The following SCN8A variants were observed in gnomAD, a reference collection of about 807,000 sequenced individuals.
SCN8A encodes sodium voltage-gated channel alpha subunit 8.
SCN8A carries 30 observed loss-of-function variants against 184.1 expected under a neutral mutation model. The ratio of observed to expected loss-of-function variants is 0.16; its 90% CI spans 0.12 to 0.22. SCN8A has a LOEUF of 0.22. SCN8A is among the 10% of genes least tolerant of loss of function. SCN8A has a pLI of 1.00. For missense variants in SCN8A, 1,057 were observed against 2,498.9 expected, an observed-to-expected ratio of 0.42 and a Z score of 12.30; for synonymous variants, 852 against 907.0, an observed-to-expected ratio of 0.94 and a Z score of 1.09.
In SCN8A at chr12:51,705,408, T is replaced by C; in HGVS notation, c.1135-9T>C. 6.2e-7 allele frequency: 1 copy of C among 1,613,636 alleles called. No homozygotes were observed. Among genetic ancestry groups the C allele is most frequent in the Non-Finnish European group, 8.5e-7 (1 of 1,179,622 alleles). On this transcript the variant is annotated splice_polypyrimidine_tract_variant and intron_variant, in intron 9 of 26. Transcript: ENST00000627620. ...CAAGTGACTCAGAAAATGGCCTTTG[T>C]CTTTGCAGACTTTACGAGCAGCCGG...
intron 20 of SCN8A, among the ~76,000 whole-genome samples, chr12:51,776,122 T>G (rs1011779625): frequency 2.6e-5 from 4 of 152,152 alleles, no homozygotes; most frequent in Non-Finnish European, 5.9e-5. Flanking sequence ...CCCGAGTAGC[T>G]GGGGCTGCAG....
rs1592379181 is a variant in SCN8A, at chr12:51,686,514, T to C, written c.485+57T>C. 5.6e-6 allele frequency: 7 copies of C among 1,248,182 alleles called. No individual in the cohort carries two copies. The East Asian group carries it at 1.7e-4, about 30-fold the overall frequency. The allele number at this position is 1,248,182 out of a possible 1,614,324, so 77.3% of individuals were successfully genotyped here. A position where few individuals can be genotyped will look rare whatever the true frequency, so the allele number is the denominator to read the frequency against. ...GTTTTAAATATTTTTAGTCACTAAA[T>C]CTTGCTTTGCCACAGTTTACCCATC... On this transcript the variant is annotated intron_variant, in intron 4 of 26. Transcript: ENST00000627620.
At chr12:51,761,451 T>G (rs1942760692) in intron 14 of SCN8A, among the ~76,000 whole-genome samples, 1 of 149,740 alleles carries the variant, frequency 6.7e-6, no homozygotes, top group Admixed American at 6.6e-5. Context: ...CACTATTTAT[T>G]TATTTATTTA....
At chr12:51,783,167 C>T (rs918170543) in intron 21 of SCN8A, among the ~76,000 whole-genome samples, 2 of 152,170 alleles carry the variant, frequency 1.3e-5, no homozygotes, top group African/African-American at 4.8e-5. Context: ...CCATTCCTGC[C>T]CTGTGGGTTT....
At chr12:51,617,366 G>A (rs903903470) in intron 1 of SCN8A, among the ~76,000 whole-genome samples, 6 of 151,748 alleles carry the variant, frequency 4.0e-5, no homozygotes, top group African/African-American at 1.5e-4. Flanking sequence ...CAACTATTCT[G>A]TCATCTCTAT....
At chr12:51,759,886 T>G (rs1942736490) in intron 14 of SCN8A, among the ~76,000 whole-genome samples, 1 of 152,208 alleles carries the variant, frequency 6.6e-6, no homozygotes. Context: ...GGTGAAGACC[T>G]TTGTGCTACA....
At chr12:51,676,081 G>A (rs1373198928) in intron 2 of SCN8A, among the ~76,000 whole-genome samples, 4 of 152,138 alleles carry the variant, frequency 2.6e-5, no homozygotes, top group African/African-American at 4.8e-5. Context: ...TAATAGAGGC[G>A]TGGAAAATGA....
chr12:51,679,024 C>T (rs959792231), intron 2 of SCN8A, among the ~76,000 whole-genome samples: 29 of 151,332 alleles, frequency 1.9e-4, no homozygotes, highest in Admixed American at 4.6e-4. Flanking sequence ...TGCAGTGAGC[C>T]GAGATCACAC....
intron 16 of SCN8A, chr12:51,768,261 T>C (rs1942867560): frequency 6.6e-6 from 1 of 152,250 alleles, no homozygotes. Flanking sequence ...AGCTTGTATC[T>C]GATGGCTTGA....
chr12:51,751,294 G>T, intron 13 of SCN8A, 61 bp from the exon 14 acceptor site: 2 of 1,077,754 alleles, frequency 1.9e-6, no homozygotes, highest in South Asian at 1.4e-5. Context: ...AGAGTGAGTA[G>T]TGTGTCCCCC....
Position 51,632,408 on chromosome 12 carries a change from G to C in SCN8A, c.-54-30356G>C, listed in dbSNP as rs533045363. 3.9e-5 allele frequency among the ~76,000 whole-genome samples: 6 copies of C among 152,160 alleles called. No homozygotes were observed. In the South Asian group the frequency reaches 1.0e-3, roughly 26 times the overall value. ...TGTAAGGCATTGCTGGTTTCTTTGG[G>C]GCCTCCCTAGTTCTCCTTTGAGTTC... On this transcript the variant is annotated intron_variant, in intron 1 of 26. Coordinates refer to ENST00000627620, the MANE Select transcript of SCN8A (RefSeq NM_001330260.2).
At chr12:51,620,930 TG>T (rs1487521109) in intron 1 of SCN8A, among the ~76,000 whole-genome samples, 3 of 152,086 alleles carry the variant, frequency 2.0e-5, no homozygotes, top group African/African-American at 7.2e-5. Context: ...GAGGCTGTAG[TG>T]AGCCATGGTT....
chr12:51,728,754 T>G (rs992675930), intron 12 of SCN8A, among the ~76,000 whole-genome samples: 1 of 147,374 alleles, frequency 6.8e-6, no homozygotes, highest in African/African-American at 2.6e-5. Context: ...AAAAAAAAAA[T>G]TCCCAAATGG....
At chr12:51,602,594 G>A (rs984341004) in intron 1 of SCN8A, among the ~76,000 whole-genome samples, 2 of 152,146 alleles carry the variant, frequency 1.3e-5, no homozygotes, top group Non-Finnish European at 2.9e-5. Flanking sequence ...AAACGGTTAA[G>A]ATGGTAAATT....
At chr12:51,715,520 G>A (rs1941949928) in intron 11 of SCN8A, among the ~76,000 whole-genome samples, 1 of 151,804 alleles carries the variant, frequency 6.6e-6, no homozygotes, top group African/African-American at 2.4e-5. Flanking sequence ...TGTAATCCTG[G>A]CACTTTGGGA....
intron 11 of SCN8A, among the ~76,000 whole-genome samples, chr12:51,715,015 A>G (rs1048298618): frequency 6.6e-6 from 1 of 152,180 alleles, no homozygotes; most frequent in African/African-American, 2.4e-5. Flanking sequence ...GAAAACCTCT[A>G]GTCTAGGAAA....
intron 2 of SCN8A, among the ~76,000 whole-genome samples, chr12:51,671,741 T>G (rs955846506): frequency 6.6e-6 from 1 of 152,246 alleles, no homozygotes; most frequent in Admixed American, 6.5e-5. Context: ...TGTTTCCAAA[T>G]TGACAAATGA....
intron 6 of SCN8A, among the ~76,000 whole-genome samples, chr12:51,694,644 C>G (rs74095021): frequency 0.018 from 2,801 of 152,284 alleles, 85 homozygotes; most frequent in African/African-American, 0.061. Context: ...TTTGAAGAAG[C>G]ATTCTGCTGT....
chr12:51,752,436 C>A (rs892333347), intron 14 of SCN8A, among the ~76,000 whole-genome samples: 6 of 145,638 alleles, frequency 4.1e-5, no homozygotes, highest in Non-Finnish European at 8.8e-5. Context: ...ACACACACAC[C>A]ACACACCACA....
Sources: gnomAD v4.1 joint callset for allele counts (sites outside exome capture counted in the v4.1 genomes callset) on GRCh38, gnomAD v4.1.1 for gene constraint, MANE v1.5 for transcripts, NCBI Gene and HGNC (gene_info 2026-07-23, HGNC 2026-07-21) for gene names.